Variants in GPC5 observed in about 807,000 individuals in gnomAD.
GPC5 encodes the protein glypican-5.
Under a neutral mutation model 53.9 loss-of-function variants are expected in GPC5, and 47 were observed. The ratio of observed to expected loss-of-function variants is 0.87; its 90% CI spans 0.69 to 1.11. The LOEUF is 1.11. Among genes scored for constraint, GPC5 ranks in the 50% most tolerant of loss-of-function variants. The pLI is 0.00. For missense variants in GPC5, 748 were observed against 713.1 expected (o/e 1.05, Z -0.56); for synonymous variants, 286 against 263.3 (o/e 1.09, Z -0.84).
At chr13:91,648,675 T>C (rs1455195933) in intron 2 of GPC5, among the ~76,000 whole-genome samples, 2 of 151,634 alleles carry the variant, frequency 1.3e-5, no homozygotes, top group Non-Finnish European at 2.9e-5. Context: ...GTCTTACAGA[T>C]TTTTTTGCCA....
rs1246773220 is a variant in GPC5 at position 92,770,580 on chromosome 13, T to G, written c.1562-95702T>G. Among the ~76,000 whole-genome samples, 3 of 152,318 alleles carry G rather than the reference T, an allele frequency of 2.0e-5. No individual in the cohort carries two copies. The East Asian group carries it at 5.8e-4, about 29-fold the overall frequency. On this transcript the variant is annotated intron_variant, in intron 7 of 7. Transcript: ENST00000377067. ...TGTTGAGATTTCCTATGTTTTACATTTGCCCCATGCATGTTTGCAGTTGCT... is the reference window on the plus strand; with the variant it reads ...TGTTGAGATTTCCTATGTTTTACATGTGCCCCATGCATGTTTGCAGTTGCT...
chr13:91,469,846 C>G (rs1173934750), intron 2 of GPC5, among the ~76,000 whole-genome samples: 3 of 152,002 alleles, frequency 2.0e-5, no homozygotes, highest in African/African-American at 7.3e-5. Flanking sequence ...TTGAGACCAG[C>G]CTGGCCAACA....
intron 7 of GPC5, among the ~76,000 whole-genome samples, chr13:92,764,153 T>C (rs1239933758): frequency 6.6e-6 from 1 of 152,170 alleles, no homozygotes. Flanking sequence ...CTGCTTTAGC[T>C]CAGGCCGATG....
chr13:92,608,411 C>T (rs1884326683), intron 7 of GPC5, among the ~76,000 whole-genome samples: 2 of 152,242 alleles, frequency 1.3e-5, no homozygotes, highest in Admixed American at 6.5e-5. Context: ...TCTAGGAGTA[C>T]TTTATTGTCT....
At chr13:92,547,506 A>G (rs1031720200) in intron 7 of GPC5, among the ~76,000 whole-genome samples, 1 of 152,180 alleles carries the variant, frequency 6.6e-6, no homozygotes, top group African/African-American at 2.4e-5. Flanking sequence ...GAAAAGCTCA[A>G]AATGAGTTGC....
At chr13:92,301,711 C>A (rs950564118) in intron 7 of GPC5, among the ~76,000 whole-genome samples, 1 of 151,736 alleles carries the variant, frequency 6.6e-6, no homozygotes, top group African/African-American at 2.4e-5. Context: ...CATGTTCAAA[C>A]CCTGTCTGTA....
intron 2 of GPC5, among the ~76,000 whole-genome samples, chr13:91,484,083 CT>C (rs1363290404): frequency 6.6e-6 from 1 of 152,104 alleles, no homozygotes; most frequent in East Asian, 1.9e-4. Flanking sequence ...GTAGAACGTA[CT>C]TTTTTTAAAA....
chr13:91,805,854 T>G (rs2038210895), intron 5 of GPC5, among the ~76,000 whole-genome samples: 2 of 152,052 alleles, frequency 1.3e-5, no homozygotes, highest in Admixed American at 1.3e-4. Context: ...CTCTCTTATA[T>G]AAAGTACCAG....
At chr13:92,681,663 T>C (rs554310914) in intron 7 of GPC5, among the ~76,000 whole-genome samples, 6 of 152,330 alleles carry the variant, frequency 3.9e-5, no homozygotes, top group African/African-American at 1.4e-4. Context: ...ACCCTGTCCG[T>C]CTCGCCCTCC....
rs1377193359 is a variant in GPC5, at chr13:92,413,811, AG to A, written c.1561+268826del. Among the ~76,000 whole-genome samples, 30 of 152,220 alleles carry A rather than the reference AG, an allele frequency of 2.0e-4. 1 individual carries two copies. Among genetic ancestry groups the A allele is most frequent in the Admixed American group, 2.0e-3 (30 of 15,282 alleles). On this transcript the variant is annotated intron_variant, in intron 7 of 7. Coordinates refer to ENST00000377067, the MANE Select transcript of GPC5 (RefSeq NM_004466.6). ...ACCTTTGCAAAAGCAGGATGAGAAG[AG>A]GGGCTGAGATGAGGCTATTTGAGAG...
chr13:91,703,892 G>A (rs538871835), intron 3 of GPC5, among the ~76,000 whole-genome samples: 3 of 152,002 alleles, frequency 2.0e-5, no homozygotes, highest in African/African-American at 7.2e-5. Flanking sequence ...TATGTTTCTA[G>A]GCATTTTTCC....
intron 2 of GPC5, among the ~76,000 whole-genome samples, chr13:91,685,876 A>G (rs1566608668): frequency 6.6e-6 from 1 of 152,012 alleles, no homozygotes; most frequent in Admixed American, 6.6e-5. Flanking sequence ...TAGCAGAATG[A>G]AAGCTTTTGT....
intron 7 of GPC5, among the ~76,000 whole-genome samples, chr13:92,758,724 C>T (rs1474752700): frequency 6.6e-6 from 1 of 151,934 alleles, no homozygotes; most frequent in African/African-American, 2.4e-5. Flanking sequence ...TTCTCCTTTA[C>T]CTGTAAAAAA....
intron 7 of GPC5, among the ~76,000 whole-genome samples, chr13:92,197,743 T>C (rs2042267335): frequency 6.6e-6 from 1 of 151,820 alleles, no homozygotes; most frequent in Admixed American, 6.6e-5. Flanking sequence ...CTCGAACTCC[T>C]GGGCTTAAGC....
chr13:92,007,041 AATATG>A (rs1020556211), intron 6 of GPC5, among the ~76,000 whole-genome samples: 2 of 152,158 alleles, frequency 1.3e-5, no homozygotes, highest in African/African-American at 4.8e-5. Flanking sequence ...TGTGACCTTT[AATATG>A]ATAAAGTAAA....
chr13:91,798,951 A>G (rs1319434394), intron 5 of GPC5, among the ~76,000 whole-genome samples: 1 of 152,078 alleles, frequency 6.6e-6, no homozygotes, highest in African/African-American at 2.4e-5. Flanking sequence ...TTTGTTTTGC[A>G]TTTCTGTATC....
chr13:92,056,774 CA>C (rs2041077803), intron 6 of GPC5, among the ~76,000 whole-genome samples: 1 of 152,010 alleles, frequency 6.6e-6, no homozygotes, highest in Non-Finnish European at 1.5e-5. Context: ...ATATAGTTGT[CA>C]AGACATAAAG....
At chr13:92,574,280 G>C (rs1030854864) in intron 7 of GPC5, among the ~76,000 whole-genome samples, 4 of 152,128 alleles carry the variant, frequency 2.6e-5, no homozygotes, top group Non-Finnish European at 5.9e-5. Context: ...AACTCTGCTA[G>C]CACCTTTTCA....
intron 7 of GPC5, among the ~76,000 whole-genome samples, chr13:92,566,316 A>G (rs1293264417): frequency 4.6e-5 from 7 of 152,132 alleles, no homozygotes; most frequent in Non-Finnish European, 7.4e-5. Flanking sequence ...AAAAATCAAA[A>G]TGTTTGGAGA....
Sources: allele counts gnomAD v4.1 joint callset (sites outside exome capture counted in the v4.1 genomes callset), GRCh38; gene constraint gnomAD v4.1.1; transcripts MANE v1.5; gene names NCBI Gene and HGNC (gene_info 2026-07-23, HGNC 2026-07-21).